The following SEMA5A variants were observed in gnomAD, a reference collection of about 807,000 sequenced individuals.
SEMA5A encodes the protein semaphorin-5A.
Under a neutral mutation model 135.5 loss-of-function variants are expected in SEMA5A, and 55 were observed. The ratio of observed to expected loss-of-function variants is 0.41; its 90% CI spans 0.33 to 0.51. The LOEUF (loss-of-function observed/expected upper bound fraction) is 0.51. Ranked by LOEUF, SEMA5A falls within the 20% of genes least tolerant of loss-of-function variation. The pLI, the probability that SEMA5A is intolerant of heterozygous loss-of-function variation, is 0.37. For synonymous variants in SEMA5A, 580 were observed against 546.5 expected (o/e 1.06, Z -0.85); for missense variants, 1,290 against 1,419.9 (o/e 0.91, Z 1.47).
intron 1 of SEMA5A, among the ~76,000 whole-genome samples, chr5:9,496,348 A>G (rs1163927592): frequency 6.6e-6 from 1 of 152,188 alleles, no homozygotes; most frequent in Non-Finnish European, 1.5e-5. Flanking sequence ...CCCAGCCTCA[A>G]TATTTCTTAA....
At chr5:9,138,631 GGAACAGGT>G (rs1741894109) in intron 12 of SEMA5A, among the ~76,000 whole-genome samples, 1 of 151,774 alleles carries the variant, frequency 6.6e-6, no homozygotes, top group Non-Finnish European at 1.5e-5. Flanking sequence ...AGGTTATTGG[GGAACAGGT>G]GGTGTTTGGT....
chr5:9,174,479 T>C (rs1040177884), intron 11 of SEMA5A, among the ~76,000 whole-genome samples: 1 of 152,234 alleles, frequency 6.6e-6, no homozygotes, highest in Admixed American at 6.6e-5. Flanking sequence ...TAACAACTCC[T>C]GGAGGAAAGT....
intron 14 of SEMA5A, among the ~76,000 whole-genome samples, 153 bp from the exon 15 acceptor site, chr5:9,119,294 C>T (rs1343876451): frequency 2.0e-5 from 3 of 152,204 alleles, no homozygotes; most frequent in African/African-American, 7.2e-5. Context: ...GAATGGACTG[C>T]ACCCTGTGAA....
chr5:9,123,026 G>A (rs1740901222), intron 13 of SEMA5A, among the ~76,000 whole-genome samples, 189 bp from the exon 14 acceptor site: 2 of 151,872 alleles, frequency 1.3e-5, no homozygotes, highest in Non-Finnish European at 1.5e-5. Context: ...AGGCCGAGAC[G>A]GGCAGATCAC....
At chr5:9,228,698 T>C (rs113825679) in intron 6 of SEMA5A, among the ~76,000 whole-genome samples, 30 of 152,278 alleles carry the variant, frequency 2.0e-4, no homozygotes, top group African/African-American at 7.2e-4. Flanking sequence ...ACCAAGGTAG[T>C]AGGTGTGAAA....
At chr5:9,091,768 A>G (rs1739048448) in intron 16 of SEMA5A, among the ~76,000 whole-genome samples, 1 of 152,124 alleles carries the variant, frequency 6.6e-6, no homozygotes, top group Non-Finnish European at 1.5e-5. Context: ...CCACTACCAC[A>G]ATTCTAGGAA....
chr5:9,381,856 T>C (rs542259684), intron 2 of SEMA5A, among the ~76,000 whole-genome samples: 34 of 152,072 alleles, frequency 2.2e-4, no homozygotes, highest in African/African-American at 8.2e-4. Flanking sequence ...AGATAGATAA[T>C]GTAAGTGACT....
chr5:9,324,869 TCTGGCC>T (rs2150685794), intron 4 of SEMA5A, among the ~76,000 whole-genome samples: 1 of 152,324 alleles, frequency 6.6e-6, no homozygotes, highest in African/African-American at 2.4e-5. Flanking sequence ...GAATAATGCT[TCTGGCC>T]CCTGGCCAAC....
chr5:9,175,068 G>A (rs1477735419), intron 11 of SEMA5A, among the ~76,000 whole-genome samples: 1 of 152,062 alleles, frequency 6.6e-6, no homozygotes, highest in Non-Finnish European at 1.5e-5. Context: ...ACTGTGGTGG[G>A]CCAGGTGACA....
intron 3 of SEMA5A, among the ~76,000 whole-genome samples, chr5:9,343,126 T>A (rs1249197186): frequency 6.6e-6 from 1 of 152,184 alleles, no homozygotes; most frequent in African/African-American, 2.4e-5. Flanking sequence ...AGCTACTACT[T>A]TAACCTGTGA....
At chr5:9,338,080 T>C (rs1579370298) in intron 3 of SEMA5A, among the ~76,000 whole-genome samples, 1 of 152,310 alleles carries the variant, frequency 6.6e-6, no homozygotes, top group Non-Finnish European at 1.5e-5. Context: ...GATGTGCATT[T>C]TCCTTTTGGC....
intron 2 of SEMA5A, among the ~76,000 whole-genome samples, chr5:9,429,510 T>C (rs866177979): frequency 1.8e-4 from 27 of 152,192 alleles, no homozygotes; most frequent in Middle Eastern, 6.3e-3. Context: ...ACAAAATATC[T>C]CATGTATCAG....
chr5:9,063,762 G>GGCA (rs1364380766), intron 17 of SEMA5A, among the ~76,000 whole-genome samples: 2 of 152,126 alleles, frequency 1.3e-5, no homozygotes, highest in Non-Finnish European at 2.9e-5. Context: ...AGCCAAGAGA[G>GGCA]GCAGCAGCAG....
At chr5:9,094,294 C>A (rs1739202311) in intron 16 of SEMA5A, among the ~76,000 whole-genome samples, 1 of 125,688 alleles carries the variant, frequency 8.0e-6, no homozygotes, top group Non-Finnish European at 1.6e-5. Flanking sequence ...ATTTTCTTTT[C>A]TTCCACATGC....
chr5:9,230,602 G>C (rs1458746416), intron 6 of SEMA5A, among the ~76,000 whole-genome samples: 1 of 152,130 alleles, frequency 6.6e-6, no homozygotes, highest in Non-Finnish European at 1.5e-5. Context: ...GGTGTTCTTC[G>C]CAGAACGGAG....
intron 3 of SEMA5A, among the ~76,000 whole-genome samples, chr5:9,339,811 A>C (rs747846190): frequency 1.3e-4 from 20 of 152,210 alleles, no homozygotes; most frequent in Non-Finnish European, 2.6e-4. Context: ...TGTCTTTGGA[A>C]TATCAATGAG....
At chr5:9,477,454 C>T (rs767073544) in intron 1 of SEMA5A, among the ~76,000 whole-genome samples, 1 of 152,150 alleles carries the variant, frequency 6.6e-6, no homozygotes, top group Non-Finnish European at 1.5e-5. Flanking sequence ...TTCCTAGAGA[C>T]TTGTTGAATG....
chr5:9,093,862 G>A (rs1449706287), intron 16 of SEMA5A, among the ~76,000 whole-genome samples: 1 of 152,092 alleles, frequency 6.6e-6, no homozygotes. Context: ...AGTGTTAGGT[G>A]TGAATCCCAT....
At chr5:9,154,394 C>G (rs1742834758) in intron 12 of SEMA5A, 94 bp downstream of exon 12, 2 of 1,134,314 alleles carry the variant, frequency 1.8e-6, no homozygotes, top group East Asian at 4.9e-5. Flanking sequence ...GCTCTGAGGC[C>G]ATTCAACTTC....
Sources: gnomAD v4.1 joint callset for allele counts (sites outside exome capture counted in the v4.1 genomes callset) on GRCh38, gnomAD v4.1.1 for gene constraint, MANE v1.5 for transcripts, NCBI Gene and HGNC (gene_info 2026-07-23, HGNC 2026-07-21) for gene names.